MAU2: variants seen among roughly 807,000 people sequenced by gnomAD.
The protein encoded by MAU2 is MAU2 sister chromatid cohesion factor, also known as MAU2 chromatid cohesion factor homolog.
MAU2 carries 9 observed loss-of-function variants against 89.1 expected under a neutral mutation model. That is an observed-to-expected ratio of 0.10 (90% CI 0.06 to 0.18). The LOEUF (loss-of-function observed/expected upper bound fraction) is 0.18. Ranked by LOEUF, MAU2 falls within the 10% of genes least tolerant of loss-of-function variation. The pLI is 1.00. For missense variants in MAU2, 425 were observed against 803.5 expected (o/e 0.53, Z 5.69); for synonymous variants, 357 against 343.4 (o/e 1.04, Z -0.44).
In MAU2 at chr19:19,320,902, C is replaced by A; in HGVS notation, c.43C>A (p.Gln15Lys). Residue 15 changes from glutamine (Q) to lysine (K), a missense_variant, in exon 1 of 19, where the codon CAG (glutamine) becomes AAG (lysine). Gln to Lys is a moderately conservative substitution (Grantham distance 53). Coordinates refer to ENST00000262815, the MANE Select transcript of MAU2 (RefSeq NM_015329.4). ...GGCAGCGGCCCAGGCGGCGGCGGCC[C>A]AGGCTGCGCAGGCCGAGGCGGCCGA... ...AAAAAQAAAA[Q>K]AAQAEAADSW... The A allele has an allele frequency of 6.5e-7, 1 of 1,540,984 alleles. No individual in the cohort carries two copies. Among genetic ancestry groups the A allele is most frequent in the Non-Finnish European group, 8.7e-7 (1 of 1,144,306 alleles).
chr19:19,324,658 TCTC>T (rs1000004924), intron 1 of MAU2, among the ~76,000 whole-genome samples: 5 of 152,158 alleles, frequency 3.3e-5, no homozygotes, highest in Non-Finnish European at 7.4e-5. Flanking sequence ...TTTAAACCCT[TCTC>T]CTTGCGAAGT....
At chr19:19,336,318 G>T in intron 3 of MAU2, 131 bp downstream of exon 3, 1 of 651,008 alleles carries the variant, frequency 1.5e-6, no homozygotes. Flanking sequence ...GTCGGGGTGG[G>T]AGGACAGGGT....
In MAU2 at chr19:19,343,951, A is replaced by T. The variant is rs1402891960; in HGVS notation, c.1077+11A>T. On this transcript the variant is annotated intron_variant, in intron 10 of 18. Coordinates refer to ENST00000262815, the MANE Select transcript of MAU2 (RefSeq NM_015329.4). ...ACGGCGCTGCAGGAGGTAAGGCTGG[A>T]AGCAGGAGGGGCGGGAAGGCCCAGG... 7 of 1,608,710 alleles carry T rather than the reference A, an allele frequency of 4.4e-6. No individual in the cohort carries two copies. Among genetic ancestry groups the T allele is most frequent in the African/African-American group, 1.3e-5 (1 of 74,892 alleles).
At chr19:19,326,727 T>TATATGTGTATATATATATATAC (rs1568648785) in intron 1 of MAU2, among the ~76,000 whole-genome samples, 4 of 128,720 alleles carry the variant, frequency 3.1e-5, no homozygotes, top group Non-Finnish European at 5.0e-5. Context: ...TATACATATA[T>TATATGTGTATATATATATATAC]ATATATATAC....
intron 18 of MAU2, 118 bp from the exon 19 acceptor site, chr19:19,355,589 TG>T: frequency 8.3e-7 from 1 of 1,200,346 alleles, no homozygotes; most frequent in Non-Finnish European, 1.2e-6. Context: ...CCCATTGGAC[TG>T]GGGCATGGAG....
Position 19,355,571 on chromosome 19 carries a change from C to T in MAU2, c.1768-137C>T, listed in dbSNP as rs533244005. 114 of 1,179,174 alleles carry T rather than the reference C, an allele frequency of 9.7e-5. 1 individual carries two copies. The African/African-American group carries it at 1.5e-3, about 16-fold the overall frequency. The allele number at this position is 1,179,174 out of a possible 1,614,324, so 73.0% of individuals were successfully genotyped here. A position where few individuals can be genotyped will look rare whatever the true frequency, so the allele number is the denominator to read the frequency against. The stretch of plus-strand genomic sequence containing the variant: ...ACCCAAGCAAGGGACCCAGGTGTCT[C>T]CTCGGGGCCCATTGGACTGGGGCAT... On this transcript the variant is annotated intron_variant, in intron 18 of 18. Transcript: ENST00000262815.
rs562714687 is a variant in MAU2, at chr19:19,327,693, T to C, written c.276+6558T>C. On this transcript the variant is annotated intron_variant, in intron 1 of 18. Coordinates refer to ENST00000262815, the MANE Select transcript of MAU2 (RefSeq NM_015329.4). ...GGTCTCGAACTCCTCAGCAGCTTTT[T>C]TGGGGTCACAGTAGTTGGTGTCTCG... is the stretch of plus-strand genomic sequence containing the variant. Among the ~76,000 whole-genome samples the C allele has an allele frequency of 4.6e-5, 7 of 151,930 alleles. No individual in the cohort carries two copies. In the South Asian group the frequency reaches 1.5e-3, roughly 32 times the overall value.
intron 1 of MAU2, chr19:19,321,537 C>G (rs553307354): frequency 6.0e-6 from 1 of 167,126 alleles, no homozygotes; most frequent in East Asian, 1.7e-4. Flanking sequence ...CAGCCCCAAA[C>G]GCTTCCACCT....
chr19:19,345,747 G>A lies in MAU2; in HGVS notation c.1221+378G>A, dbSNP rs747921291. On this transcript the variant is annotated intron_variant, in intron 12 of 18. Coordinates refer to ENST00000262815, the MANE Select transcript of MAU2 (RefSeq NM_015329.4). This position sits in a 1 kb window ranked among gnomAD's most constrained non-coding sequence, Gnocchi z 4.9. The stretch of plus-strand genomic sequence containing the variant: ...GTTCAGGGCTCCCATGGGGAGTGGT[G>A]GAGCTGGGCCATCTCCCAGGTGCTC... Among the ~76,000 whole-genome samples the A allele has an allele frequency of 2.6e-4, 40 of 152,192 alleles. No individual in the cohort carries two copies. Among genetic ancestry groups the A allele is most frequent in the Non-Finnish European group, 5.6e-4 (38 of 68,028 alleles).
In MAU2 at chr19:19,332,044, C is replaced by T. The variant is rs1025179343; in HGVS notation, c.277-3674C>T. On this transcript the variant is annotated intron_variant, in intron 1 of 18. Coordinates refer to ENST00000262815, the MANE Select transcript of MAU2 (RefSeq NM_015329.4). ...GAAGCCCTCACTTTCCTCTAATGAA[C>T]TCTACTCATTATCCAAGTGGATAAA... Among the ~76,000 whole-genome samples the T allele has an allele frequency of 3.3e-5, 5 of 152,372 alleles. No homozygotes were observed. In the East Asian group the frequency reaches 7.7e-4, roughly 23 times the overall value.
chr19:19,340,466 T>C (rs1002489241), intron 5 of MAU2, among the ~76,000 whole-genome samples: 1 of 150,420 alleles, frequency 6.6e-6, no homozygotes, highest in African/African-American at 2.4e-5. Context: ...GGTGAAATTC[T>C]GTCTCTACTA....
intron 1 of MAU2, among the ~76,000 whole-genome samples, chr19:19,332,730 G>A (rs544123441): frequency 2.6e-5 from 4 of 152,304 alleles, no homozygotes; most frequent in African/African-American, 9.6e-5. Context: ...GTGGACGGAC[G>A]GAGCTGGCAG....
At chr19:19,330,445 CAATT>C (rs749846718) in intron 1 of MAU2, among the ~76,000 whole-genome samples, 3 of 151,184 alleles carry the variant, frequency 2.0e-5, no homozygotes, top group Admixed American at 6.6e-5. Context: ...AAAAGTAAAA[CAATT>C]AGTTGGGCCT....
At chr19:19,340,815 T>C (rs1365481193) in intron 5 of MAU2, 31 bp from the exon 6 acceptor site, 2 of 1,612,586 alleles carry the variant, frequency 1.2e-6, no homozygotes. Flanking sequence ...CTGGGCCTGC[T>C]AGGACCTGAC....
At chr19:19,349,097 T>A in intron 14 of MAU2, 58 bp from the exon 15 acceptor site, 1 of 1,604,838 alleles carries the variant, frequency 6.2e-7, no homozygotes, top group Non-Finnish European at 8.5e-7. Context: ...CCCACTGCCG[T>A]TTTGTAAACC....
At chr19:19,346,355 G>C (rs2061692837) in intron 12 of MAU2, among the ~76,000 whole-genome samples, 1 of 152,086 alleles carries the variant, frequency 6.6e-6, no homozygotes, top group African/African-American at 2.4e-5. Flanking sequence ...GCTATTGCTG[G>C]TTTGGTTCCG....
intron 3 of MAU2, among the ~76,000 whole-genome samples, chr19:19,336,816 T>C (rs1400254654): frequency 1.3e-5 from 2 of 152,216 alleles, no homozygotes; most frequent in Non-Finnish European, 2.9e-5. Flanking sequence ...TAAGGTGGCA[T>C]TGGCAGCAGG....
At chr19:19,334,088 G>A (rs2061577545) in intron 1 of MAU2, 4 of 847,226 alleles carry the variant, frequency 4.7e-6, no homozygotes, top group Non-Finnish European at 5.7e-6. Flanking sequence ...CGGCTTCTCA[G>A]TGGGATGCAG....
chr19:19,325,420 C>G (rs111234557), intron 1 of MAU2, among the ~76,000 whole-genome samples: 13,387 of 152,224 alleles, frequency 0.088, 684 homozygotes, highest in East Asian at 0.16. Context: ...AGGTGATCCA[C>G]CCGCCTTGGC....
Sources: allele counts gnomAD v4.1 joint callset (sites outside exome capture counted in the v4.1 genomes callset), GRCh38; gene constraint gnomAD v4.1.1; non-coding constraint Gnocchi (gnomAD v3.1); transcripts MANE v1.5; gene names NCBI Gene and HGNC (gene_info 2026-07-23, HGNC 2026-07-21).